RPGR: variants seen among roughly 807,000 people sequenced by gnomAD.
RPGR encodes the protein X-linked retinitis pigmentosa GTPase regulator.
In RPGR, 10 loss-of-function variants were observed where a neutral mutation model predicts 56.3. The observed-to-expected ratio is 0.18, with a 90% CI of 0.11 to 0.30. The LOEUF is 0.30. RPGR is among the 10% of genes least tolerant of loss of function. The probability of loss-of-function intolerance (pLI) is 1.00; values close to 1 mark genes in which losing one functional copy is unlikely to be tolerated. For synonymous variants in RPGR, 197 were observed against 212.9 expected, an observed-to-expected ratio of 0.93 and a Z score of 0.65; for missense variants, 538 against 590.9, an observed-to-expected ratio of 0.91 and a Z score of 0.93.
intron 3 of RPGR, among the ~76,000 whole-genome samples, chrX:38,321,975 T>A (rs2067950011): frequency 8.9e-6 from 1 of 111,793 alleles, no homozygotes; most frequent in African/African-American, 3.2e-5. Context: ...GTCTAAACAA[T>A]CCTGTTAGCT....
chrX:38,301,454 T>C, intron 8 of RPGR, 83 bp from the exon 9 acceptor site: 1 of 871,522 alleles, frequency 1.1e-6, no homozygotes, highest in Non-Finnish European at 1.7e-6. Flanking sequence ...TGTTAACTCA[T>C]ACTGCAATTA....
intron 1 of RPGR, among the ~76,000 whole-genome samples, 193 bp from the exon 2 acceptor site, chrX:38,323,717 C>G (rs914462379): frequency 8.9e-6 from 1 of 111,930 alleles, no homozygotes; most frequent in Non-Finnish European, 1.9e-5. Flanking sequence ...CTAGTTTTAT[C>G]TATGAAATCT....
rs746767061 is a variant in RPGR, at chrX:38,299,000, C to T, written c.1201G>A (p.Val401Ile). The T allele has an allele frequency of 2.5e-6, 3 of 1,211,923 alleles. No individual in the cohort carries two copies. The highest frequency in any genetic ancestry group is 3.5e-5 in the South Asian group (2 of 57,026). Residue 401 changes from valine (V) to isoleucine (I), a missense_variant, in exon 10 of 19, where the codon GTA (valine) becomes ATA (isoleucine). Physicochemically the swap from Val to Ile is conservative, Grantham distance 29. This residue lies in a region of RPGR where 357 missense variants were observed against 325.8 expected (regional missense o/e 1.10). Coordinates refer to ENST00000642395, the MANE Select transcript of RPGR (RefSeq NM_000328.3). ...CGTGCTGATAGAGTCCTCTGCAGTA[C>T]ATTTCCTGAGGTTAAACTGCTATAC...
Position 38,293,921 on chromosome X carries a change from C to T in RPGR, c.1415-2437G>A, listed in dbSNP as rs139997138. On this transcript the variant is annotated intron_variant, in intron 11 of 18. Transcript: ENST00000642395. The stretch of plus-strand genomic sequence containing the variant: ...CATTCATTACCATATAAATGTGCTC[C>T]AATATTTTCTATTGAGCCCACATCC... Among the ~76,000 whole-genome samples, 313 of 111,374 alleles carry T rather than the reference C, an allele frequency of 2.8e-3. 1 individual carries two copies. The highest frequency in any genetic ancestry group is 9.7e-3 in the African/African-American group (298 of 30,625).
intron 15 of RPGR, among the ~76,000 whole-genome samples, chrX:38,281,513 T>C (rs2067031260): frequency 8.9e-6 from 1 of 112,291 alleles, no homozygotes; most frequent in Non-Finnish European, 1.9e-5. Flanking sequence ...TGCTATTATG[T>C]TACATTTAAA....
rs1015086031 is a variant in RPGR at position 38,288,084 on chromosome X, T to C, written c.1573-43A>G. 3.7e-6 allele frequency: 4 copies of C among 1,087,541 alleles called. No homozygotes were observed. The African/African-American group carries it at 7.3e-5, about 20-fold the overall frequency. 89.6% of individuals were successfully genotyped at this position (1,087,541 alleles called of 1,213,427 possible). On this transcript the variant is annotated intron_variant, in intron 13 of 18. Coordinates refer to ENST00000642395, the MANE Select transcript of RPGR (RefSeq NM_000328.3). ...TAATTATCATATGTCATACTACTAT[T>C]AGTTGACAAGGACAACTTATCTACT...
At chrX:38,301,470 AT>A in intron 8 of RPGR, 99 bp from the exon 9 acceptor site, 1 of 793,672 alleles carries the variant, frequency 1.3e-6, no homozygotes, top group Admixed American at 2.4e-5. Context: ...AATTATAATT[AT>A]CCCCCTCAAA....
chrX:38,297,996 G>C lies in RPGR; in HGVS notation c.1246-544C>G, dbSNP rs778749198. On this transcript the variant is annotated intron_variant, in intron 10 of 18. Transcript: ENST00000642395. ...CAGGTATGTCATTGGGGCCGGGCTT[G>C]GTGGCTCATGCCTGTAATCCCAGCA... Among the ~76,000 whole-genome samples, 20 of 111,953 alleles carry C rather than the reference G, an allele frequency of 1.8e-4. No homozygotes were observed. The South Asian group carries it at 4.4e-3, about 25-fold the overall frequency.
intron 3 of RPGR, 110 bp from the exon 4 acceptor site, chrX:38,321,199 G>C (rs1177610607): frequency 1.7e-6 from 1 of 597,095 alleles, no homozygotes; most frequent in East Asian, 3.6e-5. Flanking sequence ...GGGCTTGTCT[G>C]ATTCCAAAGT....
intron 15 of RPGR, among the ~76,000 whole-genome samples, chrX:38,283,002 A>C: frequency 8.9e-6 from 1 of 112,037 alleles, no homozygotes; most frequent in Non-Finnish European, 1.9e-5. Context: ...ATTTTAATCT[A>C]TATAACCAAG....
chrX:38,298,933 T>C (rs1601943095), intron 10 of RPGR, 23 bp downstream of exon 10: 1 of 1,204,013 alleles, frequency 8.3e-7, no homozygotes, highest in African/African-American at 1.7e-5. Flanking sequence ...AATACTATTA[T>C]ACAGAATAGG....
chrX:38,323,053 T>C (rs183001896), intron 2 of RPGR, 108 bp from the exon 3 acceptor site: 3 of 629,904 alleles, frequency 4.8e-6, no homozygotes, highest in East Asian at 6.8e-5. Context: ...TCACTGCTTT[T>C]CTGTGTTGAA....
intron 4 of RPGR, among the ~76,000 whole-genome samples, chrX:38,320,325 A>G (rs2067912882): frequency 9.0e-6 from 1 of 111,292 alleles, no homozygotes; most frequent in Admixed American, 9.5e-5. Flanking sequence ...AGTACTGCTC[A>G]GTGGTCAGGT....
intron 16 of RPGR, chrX:38,276,448 T>C (rs778453918): frequency 3.4e-5 from 20 of 585,733 alleles, no homozygotes; most frequent in Non-Finnish European, 4.8e-5. Flanking sequence ...CTTTCTCTTA[T>C]GGCACATGAA....
At position 38,273,382 on chromosome X, in the gene RPGR, T is replaced by A. The variant is rs1029655834; in HGVS notation, c.2241+4A>T. The A allele has an allele frequency of 2.5e-6, 3 of 1,182,364 alleles. No individual in the cohort carries two copies. The African/African-American group carries it at 5.3e-5, about 21-fold the overall frequency. ...GATCAAAAAAGACAATTCATTTCAC[T>A]TACCTTCTTTGTTTTTTTCATGTCT... is the stretch of plus-strand genomic sequence containing the variant. On this transcript the variant is annotated splice_donor_region_variant and intron_variant, in intron 18 of 18. Coordinates refer to ENST00000642395, the MANE Select transcript of RPGR (RefSeq NM_000328.3).
At chrX:38,274,343 C>T (rs892574609) in intron 17 of RPGR, among the ~76,000 whole-genome samples, 1 of 111,780 alleles carries the variant, frequency 8.9e-6, no homozygotes, top group African/African-American at 3.3e-5. Context: ...TCTGAGCCCT[C>T]GGGGGTAAAT....
At chrX:38,271,495 T>C (rs1348766189) in intron 18 of RPGR, among the ~76,000 whole-genome samples, 2 of 112,218 alleles carry the variant, frequency 1.8e-5, no homozygotes, top group East Asian at 5.5e-4. Context: ...CTTAGACTTT[T>C]AACTTTGAAA....
chrX:38,292,782 C>T lies in RPGR; in HGVS notation c.1415-1298G>A, dbSNP rs181813297. Among the ~76,000 whole-genome samples the T allele has an allele frequency of 2.1e-3, 237 of 111,290 alleles. 1 individual carries two copies. The highest frequency in any genetic ancestry group is 0.02 in the Admixed American group (208 of 10,422). On this transcript the variant is annotated intron_variant, in intron 11 of 18. Transcript: ENST00000642395. ...GTTATAGTCTATGAGAAATTACATC[C>T]GTATGTTGGCAATCAGGAAAAGTTT...
chrX:38,289,753 A>G (rs2067250718), intron 13 of RPGR, among the ~76,000 whole-genome samples: 1 of 112,722 alleles, frequency 8.9e-6, no homozygotes, highest in Non-Finnish European at 1.9e-5. Flanking sequence ...TGTCAGCTTA[A>G]AAGGAATTGC....
Sources: allele counts gnomAD v4.1 joint callset (sites outside exome capture counted in the v4.1 genomes callset), GRCh38; gene constraint gnomAD v4.1.1; regional missense constraint gnomAD v4.1.1; transcripts MANE v1.5; gene names NCBI Gene and HGNC (gene_info 2026-07-23, HGNC 2026-07-21).